The following EEF2KMT variants were observed in gnomAD, a reference collection of about 807,000 sequenced individuals.
The protein encoded by EEF2KMT is protein-lysine N-methyltransferase EEF2KMT.
A neutral mutation model predicts 35.1 loss-of-function variants in EEF2KMT; 30 were observed. That is an observed-to-expected ratio of 0.85 (90% CI 0.64 to 1.16). EEF2KMT has a LOEUF of 1.16. Ranked by LOEUF, EEF2KMT falls within the 50% of genes most tolerant of loss-of-function variation. The pLI is 0.00. For missense variants in EEF2KMT, 499 were observed against 438.2 expected (o/e 1.14, Z -1.24); for synonymous variants, 190 against 187.7 (o/e 1.01, Z -0.10).
Position 5,090,239 on chromosome 16 carries a change from T to C in EEF2KMT, c.587A>G (p.Gln196Arg), listed in dbSNP as rs1258263017. The part of the protein sequence containing the change: ...FSDCHSRVLE[Q>R]LRGNVLLNGL... The stretch of plus-strand genomic sequence containing the variant: ...ATTGAGAAGGACATTCCCTCGGAGC[T>C]GCTCAAGGACCCGGCTGTGACAGTC... The change falls in exon 6 of 8, where the codon CAG becomes CGG. Residue 196 changes from glutamine (Q) to arginine (R), a missense_variant. Transcript: ENST00000427587. The surrounding 1 kb of genome is among the most constrained non-coding windows in gnomAD (Gnocchi z 4.1). The C allele has an allele frequency of 1.2e-6, 2 of 1,612,054 alleles. No individual in the cohort carries two copies. The highest frequency in any genetic ancestry group is 4.5e-5 in the East Asian group (2 of 44,886).
chr16:5,087,099 T>G (rs188982737), intron 7 of EEF2KMT: 2 of 152,324 alleles, frequency 1.3e-5, no homozygotes, highest in African/African-American at 4.8e-5. Flanking sequence ...ATGGCACCTG[T>G]TAATGTGTAT....
intron 6 of EEF2KMT, chr16:5,089,467 A>C: frequency 1.4e-6 from 1 of 705,686 alleles, no homozygotes; most frequent in South Asian, 2.0e-5. Context: ...AAGCAAAAGA[A>C]AAAAATCTCC....
intron 4 of EEF2KMT, among the ~76,000 whole-genome samples, chr16:5,091,323 C>T (rs1243340356): frequency 3.9e-5 from 6 of 152,096 alleles, no homozygotes; most frequent in Non-Finnish European, 7.4e-5. Flanking sequence ...CTCAGGTGAT[C>T]CCCCCGCCTC....
chr16:5,089,235 G>C lies in EEF2KMT; in HGVS notation c.764C>G (p.Ala255Gly). 6.2e-7 allele frequency: 1 copy of C among 1,606,190 alleles called. No homozygotes were observed. Among genetic ancestry groups the C allele is most frequent in the Non-Finnish European group, 8.5e-7 (1 of 1,179,816 alleles). The change falls in exon 7 of 8, where the codon GCC (alanine) becomes GGC (glycine). Residue 255 changes from alanine (A) to glycine (G), a missense_variant. Coordinates refer to ENST00000427587, the MANE Select transcript of EEF2KMT (RefSeq NM_201400.4). ...IAADVLYCPE[A>G]IMSLVGVLRR... ...CAGGACCCCGACCAGCGACATGATG[G>C]CTTCTGGGCAATACAGCACATCTAT...
At position 5,090,541 on chromosome 16, in the gene EEF2KMT, A is replaced by T. The variant is rs1341261315; in HGVS notation, c.367T>A (p.Ser123Thr). ...LLPSGGSVTL[S>T]ESTAIISYGT... ...TAGGAGATGATGGCCGTGCTCTCGG[A>T]GAGTGTGACCGAGCCTCCCGAGGGC... is the stretch of plus-strand genomic sequence containing the variant. Residue 123 changes from serine to threonine, a missense_variant, in exon 5 of 8, where the codon TCC becomes ACC. Physicochemically the swap from Ser to Thr is moderately conservative, Grantham distance 58. Transcript: ENST00000427587. This position sits in a 1 kb window ranked among gnomAD's most constrained non-coding sequence, Gnocchi z 4.1. 2.5e-6 allele frequency: 4 copies of T among 1,611,802 alleles called. No homozygotes were observed. Among genetic ancestry groups the T allele is most frequent in the Non-Finnish European group, 3.4e-6 (4 of 1,179,780 alleles).
intron 7 of EEF2KMT, among the ~76,000 whole-genome samples, chr16:5,088,586 A>T (rs1957267196): frequency 6.6e-6 from 1 of 152,056 alleles, no homozygotes; most frequent in Admixed American, 6.5e-5. Flanking sequence ...TGGGACAGTG[A>T]CAGCACACCC....
chr16:5,089,955 G>C (rs1957305226), intron 6 of EEF2KMT, 129 bp downstream of exon 6: 2 of 1,476,626 alleles, frequency 1.4e-6, no homozygotes, highest in Non-Finnish European at 1.8e-6. Context: ...TGGAGGCCCA[G>C]AGTAACTCTT....
At chr16:5,093,415 A>G in intron 3 of EEF2KMT, 69 bp downstream of exon 3, 1 of 1,608,266 alleles carries the variant, frequency 6.2e-7, no homozygotes, top group South Asian at 1.1e-5. Flanking sequence ...GGGCCTGGGA[A>G]GGACGGGGGC....
chr16:5,089,297 C>G, intron 6 of EEF2KMT, 41 bp from the exon 7 acceptor site: 3 of 1,597,818 alleles, frequency 1.9e-6, no homozygotes, highest in Non-Finnish European at 2.5e-6. Flanking sequence ...GACCAGTGGA[C>G]AGGTCCAGGT....
chr16:5,084,541 G>A lies in EEF2KMT; in HGVS notation c.*1091C>T. On this transcript the variant is annotated 3_prime_UTR_variant, in exon 8 of 8. Transcript: ENST00000427587. The stretch of plus-strand genomic sequence containing the variant: ...GCTCCAGGGCACCAAGTGTGGGAAA[G>A]TGGGACATGCGGGGAAGTTTCCAGA... 1 of 787,968 alleles carries A rather than the reference G, an allele frequency of 1.3e-6. No individual in the cohort carries two copies. Among genetic ancestry groups the A allele is most frequent in the Non-Finnish European group, 2.1e-6 (1 of 487,672 alleles). The allele number at this position is 787,968 out of a possible 1,614,324, so 48.8% of individuals were successfully genotyped here.
At chr16:5,087,934 T>A (rs1567176540) in intron 7 of EEF2KMT, among the ~76,000 whole-genome samples, 1 of 111,156 alleles carries the variant, frequency 9.0e-6, no homozygotes, top group African/African-American at 3.2e-5. Flanking sequence ...TTTTTTTTTT[T>A]TTATTTTTTA....
chr16:5,092,039 G>A (rs1185096052), intron 3 of EEF2KMT, 144 bp from the exon 4 acceptor site: 1 of 1,475,368 alleles, frequency 6.8e-7, no homozygotes, highest in Admixed American at 2.2e-5. Flanking sequence ...TCACTTCGTT[G>A]GGCTTGGTGG....
chr16:5,096,729 G>T (rs1327647619), intron 1 of EEF2KMT, among the ~76,000 whole-genome samples: 1 of 152,218 alleles, frequency 6.6e-6, no homozygotes, highest in Non-Finnish European at 1.5e-5. Flanking sequence ...GGTCAAATGT[G>T]AGTGGTAATA....
chr16:5,087,334 A>G (rs1482052879), intron 7 of EEF2KMT: 3 of 152,188 alleles, frequency 2.0e-5, no homozygotes, highest in Non-Finnish European at 4.4e-5. Flanking sequence ...CTATAGGTAT[A>G]CTTATGTGAA....
chr16:5,091,323 C>G (rs1243340356), intron 4 of EEF2KMT, among the ~76,000 whole-genome samples: 1 of 152,098 alleles, frequency 6.6e-6, no homozygotes, highest in Non-Finnish European at 1.5e-5. Flanking sequence ...CTCAGGTGAT[C>G]CCCCCGCCTC....
intron 7 of EEF2KMT, chr16:5,087,247 T>C (rs188021034): frequency 1.3e-5 from 2 of 152,356 alleles, no homozygotes; most frequent in African/African-American, 4.8e-5. Flanking sequence ...AACCTCGTAC[T>C]GTTTGAAGAA....
chr16:5,090,667 C>T lies in EEF2KMT; in HGVS notation c.343-102G>A, dbSNP rs555591360. ...ATGGCTGAATAAACCATGACAGGAC[C>T]AATCGCCACTCAGCAATGAGAAGCA... On this transcript the variant is annotated intron_variant, in intron 4 of 7. Coordinates refer to ENST00000427587, the MANE Select transcript of EEF2KMT (RefSeq NM_201400.4). This position sits in a 1 kb window ranked among gnomAD's most constrained non-coding sequence, Gnocchi z 4.1. 4.1e-6 allele frequency: 6 copies of T among 1,466,302 alleles called. No individual in the cohort carries two copies. In the African/African-American group the frequency reaches 7.0e-5, roughly 17 times the overall value. 90.8% of individuals were successfully genotyped at this position (1,466,302 alleles called of 1,614,324 possible). A position where few individuals can be genotyped will look rare whatever the true frequency, so the allele number is the denominator to read the frequency against.
chr16:5,092,250 AT>A (rs1006161468), intron 3 of EEF2KMT, among the ~76,000 whole-genome samples: 14 of 152,168 alleles, frequency 9.2e-5, no homozygotes, highest in Non-Finnish European at 7.4e-5. Context: ...GGAGACAAGG[AT>A]TCCGTGAGAG....
chr16:5,092,069 G>C (rs1957351424), intron 3 of EEF2KMT, 174 bp from the exon 4 acceptor site: 2 of 1,254,684 alleles, frequency 1.6e-6, no homozygotes, highest in Non-Finnish European at 2.2e-6. Flanking sequence ...AATAGTCCCA[G>C]CTACTCTAGA....
Sources: allele counts gnomAD v4.1 joint callset (sites outside exome capture counted in the v4.1 genomes callset), GRCh38; gene constraint gnomAD v4.1.1; non-coding constraint Gnocchi (gnomAD v3.1); transcripts MANE v1.5; gene names NCBI Gene and HGNC (gene_info 2026-07-23, HGNC 2026-07-21).